The following UFSP1 variants were observed in gnomAD, a reference collection of about 807,000 sequenced individuals.
UFSP1 encodes ufm1-specific protease 1.
For missense variants in UFSP1, 261 were observed against 182.7 expected, an observed-to-expected ratio of 1.43 and a Z score of -2.47; for synonymous variants, 119 against 77.6, an observed-to-expected ratio of 1.53 and a Z score of -2.81.
chr7:100,889,373 A>C lies in UFSP1; in HGVS notation c.-102T>G, dbSNP rs1790489963. 1.9e-6 allele frequency: 2 copies of C among 1,072,784 alleles called. No homozygotes were observed. The highest frequency in any genetic ancestry group is 5.6e-5 in the East Asian group (2 of 35,972). The allele number at this position is 1,072,784 out of a possible 1,614,324, so 66.5% of individuals were successfully genotyped here. ...TGCAGAGTGCGGTAGCCGCAGCCCC[A>C]GCCGCGGTCGTCCAGGCCGTCGCAG... On this transcript the variant is annotated 5_prime_UTR_variant, in exon 1 of 1. Transcript: ENST00000388761.
In UFSP1 at chr7:100,889,296, G is replaced by A. The variant is rs2115943058; in HGVS notation, c.-25C>T. 5 of 1,485,990 alleles carry A rather than the reference G, an allele frequency of 3.4e-6. No individual in the cohort carries two copies. The highest frequency in any genetic ancestry group is 2.8e-5 in the South Asian group (2 of 72,500). 92.1% of individuals were successfully genotyped at this position (1,485,990 alleles called of 1,614,324 possible). On this transcript the variant is annotated 5_prime_UTR_variant, in exon 1 of 1. Transcript: ENST00000388761. ...TGTCCTCCAGGGCCGCCTGTACGGCGGCCAGTCCAGGTACGCCCGCGGGCT... is the reference window on the plus strand; with the variant it reads ...TGTCCTCCAGGGCCGCCTGTACGGCAGCCAGTCCAGGTACGCCCGCGGGCT...
In UFSP1 at chr7:100,889,263, G is replaced by C. The variant is rs1427517631; in HGVS notation, c.9C>G (p.Asp3Glu). 2.6e-6 allele frequency: 4 copies of C among 1,532,476 alleles called. No homozygotes were observed. Among genetic ancestry groups the C allele is most frequent in the Non-Finnish European group, 3.5e-6 (4 of 1,145,478 alleles). 94.9% of individuals were successfully genotyped at this position (1,532,476 alleles called of 1,614,324 possible). Residue 3 changes from aspartate to glutamate, a missense_variant, in exon 1 of 1, where the codon GAC becomes GAG. Asp to Glu is a conservative substitution (Grantham distance 45). Transcript: ENST00000388761. ...GGGAGCCCCGGAAGCCGGGGGGCTTGTCGCCCATGTCCTCCAGGGCCGCCT... is the reference window on the plus strand; with the variant it reads ...GGGAGCCCCGGAAGCCGGGGGGCTTCTCGCCCATGTCCTCCAGGGCCGCCT...
chr7:100,889,411 T>A lies in UFSP1; in HGVS notation c.-140A>T. ...CAGGCCGTCGCAGCCGTAGTGGTAG[T>A]AGAGGTAGTGGCCCGAGAGCAGCGC... On this transcript the variant is annotated 5_prime_UTR_variant, in exon 1 of 1. Coordinates refer to ENST00000388761, the MANE Select transcript of UFSP1 (RefSeq NM_001015072.4). The A allele has an allele frequency of 1.4e-6, 1 of 714,840 alleles. No homozygotes were observed. Among genetic ancestry groups the A allele is most frequent in the Non-Finnish European group, 2.2e-6 (1 of 454,684 alleles). 44.3% of individuals were successfully genotyped at this position (714,840 alleles called of 1,614,324 possible).
Position 100,889,245 on chromosome 7 carries a change from C to G in UFSP1, c.27G>C (p.Arg9=). The G allele has an allele frequency of 6.5e-7, 1 of 1,550,106 alleles. No homozygotes were observed. Among genetic ancestry groups the G allele is most frequent in the South Asian group, 1.2e-5 (1 of 82,896 alleles). ...CGCAGCCGATCCAGTCCCGGGAGCC[C>G]CGGAAGCCGGGGGGCTTGTCGCCCA... The change falls in exon 1 of 1, where the codon CGG becomes CGC. Residue 9 remains arginine, a synonymous_variant. Coordinates refer to ENST00000388761, the MANE Select transcript of UFSP1 (RefSeq NM_001015072.4).
chr7:100,888,851 A>G lies in UFSP1; in HGVS notation c.421T>C (p.Leu141=), dbSNP rs745310637. 5.0e-6 allele frequency: 8 copies of G among 1,607,392 alleles called. No homozygotes were observed. In the South Asian group the frequency reaches 8.8e-5, roughly 18 times the overall value. Residue 141 remains leucine (L), a synonymous_variant, in exon 1 of 1, where the codon TTG becomes CTG. Coordinates refer to ENST00000388761, the MANE Select transcript of UFSP1 (RefSeq NM_001015072.4). ...GTTCTGTAACTTCGTCCTCAGTCCAAGGTGCGCTGCTGCTGTTGGGAGCTA... is the reference window on the plus strand; with the variant it reads ...GTTCTGTAACTTCGTCCTCAGTCCAGGGTGCGCTGCTGCTGTTGGGAGCTA...
chr7:100,888,764 C>G lies in UFSP1; in HGVS notation c.*79G>C, dbSNP rs1790445645. 2 of 1,547,492 alleles carry G rather than the reference C, an allele frequency of 1.3e-6. No homozygotes were observed. The highest frequency in any genetic ancestry group is 2.7e-5 in the African/African-American group (2 of 73,076). ...CTTTTATTATTGATGTCAAAAGCGC[C>G]AGGCTTTGCAGGGACACCAGTGGGA... On this transcript the variant is annotated 3_prime_UTR_variant, in exon 1 of 1. Coordinates refer to ENST00000388761, the MANE Select transcript of UFSP1 (RefSeq NM_001015072.4).
Position 100,889,377 on chromosome 7 carries a change from G to T in UFSP1, c.-106C>A. 1 of 1,036,200 alleles carries T rather than the reference G, an allele frequency of 9.7e-7. No homozygotes were observed. Among genetic ancestry groups the T allele is most frequent in the Non-Finnish European group, 1.3e-6 (1 of 742,970 alleles). 64.2% of individuals were successfully genotyped at this position (1,036,200 alleles called of 1,614,324 possible). A position where few individuals can be genotyped will look rare whatever the true frequency, so the allele number is the denominator to read the frequency against. Reference sequence around the variant, plus strand: ...GAGTGCGGTAGCCGCAGCCCCAGCCGCGGTCGTCCAGGCCGTCGCAGCCGT... The same window carrying T: ...GAGTGCGGTAGCCGCAGCCCCAGCCTCGGTCGTCCAGGCCGTCGCAGCCGT... On this transcript the variant is annotated 5_prime_UTR_variant, in exon 1 of 1. Coordinates refer to ENST00000388761, the MANE Select transcript of UFSP1 (RefSeq NM_001015072.4).
In UFSP1 at chr7:100,889,382, C is replaced by A; in HGVS notation, c.-111G>T. 3 of 927,070 alleles carry A rather than the reference C, an allele frequency of 3.2e-6. No homozygotes were observed. The highest frequency in any genetic ancestry group is 4.1e-5 in the South Asian group (2 of 48,984). The allele number at this position is 927,070 out of a possible 1,614,324, so 57.4% of individuals were successfully genotyped here. A position where few individuals can be genotyped will look rare whatever the true frequency, so the allele number is the denominator to read the frequency against. On this transcript the variant is annotated 5_prime_UTR_variant, in exon 1 of 1. Transcript: ENST00000388761. ...CGGTAGCCGCAGCCCCAGCCGCGGTCGTCCAGGCCGTCGCAGCCGTAGTGG... is the reference window on the plus strand; with the variant it reads ...CGGTAGCCGCAGCCCCAGCCGCGGTAGTCCAGGCCGTCGCAGCCGTAGTGG...
chr7:100,888,858 C>T lies in UFSP1; in HGVS notation c.414G>A (p.Gln138=), dbSNP rs771628060. 1.4e-5 allele frequency: 23 copies of T among 1,609,892 alleles called. No individual in the cohort carries two copies. Among genetic ancestry groups the T allele is most frequent in the Non-Finnish European group, 2.0e-5 (23 of 1,177,146 alleles). Residue 138 remains glutamine, a synonymous_variant, in exon 1 of 1, where the codon CAG becomes CAA. Coordinates refer to ENST00000388761, the MANE Select transcript of UFSP1 (RefSeq NM_001015072.4). Reference sequence around the variant, plus strand: ...AACTTCGTCCTCAGTCCAAGGTGCGCTGCTGCTGTTGGGAGCTAAGGCTGG... The same window carrying T: ...AACTTCGTCCTCAGTCCAAGGTGCGTTGCTGCTGTTGGGAGCTAAGGCTGG...
In UFSP1 at chr7:100,888,829, C is replaced by T; in HGVS notation, c.*14G>A. ...TGTCTGGGACCCGAGAATCTCAGTT[C>T]TGTAACTTCGTCCTCAGTCCAAGGT... On this transcript the variant is annotated 3_prime_UTR_variant, in exon 1 of 1. Transcript: ENST00000388761. 3.1e-6 allele frequency: 5 copies of T among 1,592,784 alleles called. No individual in the cohort carries two copies. Among genetic ancestry groups the T allele is most frequent in the African/African-American group, 2.7e-5 (2 of 74,564 alleles).
In UFSP1 at chr7:100,889,001, C is replaced by A; in HGVS notation, c.271G>T (p.Asp91Tyr). The A allele has an allele frequency of 6.2e-7, 1 of 1,614,190 alleles. No individual in the cohort carries two copies. The highest frequency in any genetic ancestry group is 8.5e-7 in the Non-Finnish European group (1 of 1,180,022). ...TTTGGAGTGCCCCAGTAGTGAGGGT[C>A]CAATACCAGGACATAGGCTTCCGTG... Residue 91 changes from aspartate (D) to tyrosine (Y), a missense_variant, in exon 1 of 1, where the codon GAC becomes TAC. Coordinates refer to ENST00000388761, the MANE Select transcript of UFSP1 (RefSeq NM_001015072.4).
At position 100,888,964 on chromosome 7, in the gene UFSP1, T is replaced by C; in HGVS notation, c.308A>G (p.Glu103Gly). ...GCCCACCCACCCAGCAGCCTGTAGT[T>C]CACTGGGGCTTTTTGGAGTGCCCCA... Residue 103 changes from glutamate (E) to glycine (G), a missense_variant, in exon 1 of 1, where the codon GAA becomes GGA. Transcript: ENST00000388761. 5 of 1,614,172 alleles carry C rather than the reference T, an allele frequency of 3.1e-6. No individual in the cohort carries two copies. Among genetic ancestry groups the C allele is most frequent in the Non-Finnish European group, 4.2e-6 (5 of 1,180,018 alleles).
At position 100,889,080 on chromosome 7, in the gene UFSP1, C is replaced by G. The variant is rs781300032; in HGVS notation, c.192G>C (p.Gly64=). 5.6e-5 allele frequency: 91 copies of G among 1,613,766 alleles called. No homozygotes were observed. Among genetic ancestry groups the G allele is most frequent in the Admixed American group, 1.3e-4 (8 of 59,970 alleles). Residue 64 remains glycine (G), a synonymous_variant, in exon 1 of 1, where the codon GGG becomes GGC. Transcript: ENST00000388761. ...CCTTGGACCTGGCATCTGCGTCCCC[C>G]CCAACCATGACTGGGCCCCCACCCC...
Position 100,889,694 on chromosome 7 carries a change from C to T in UFSP1, c.-423G>A, listed in dbSNP as rs1790505430. Reference sequence around the variant, plus strand: ...CGCAATAGGCAGCCACCGACCGGCACCGACCGAGGAGCTCCCACAATGCTC... The same window carrying T: ...CGCAATAGGCAGCCACCGACCGGCATCGACCGAGGAGCTCCCACAATGCTC... On this transcript the variant is annotated 5_prime_UTR_variant, in exon 1 of 1. It adds an upstream start codon to the 5' untranslated region. Coordinates refer to ENST00000388761, the MANE Select transcript of UFSP1 (RefSeq NM_001015072.4). 5.0e-6 allele frequency: 1 copy of T among 198,936 alleles called. No homozygotes were observed. Among genetic ancestry groups the T allele is most frequent in the African/African-American group, 2.3e-5 (1 of 43,048 alleles). The allele number at this position is 198,936 out of a possible 1,614,324, so 12.3% of individuals were successfully genotyped here. A position where few individuals can be genotyped will look rare whatever the true frequency, so the allele number is the denominator to read the frequency against.
chr7:100,889,539 G>A lies in UFSP1; in HGVS notation c.-268C>T, dbSNP rs943341978. Reference sequence around the variant, plus strand: ...GCGGAGGTCCCAGGCCAGGCACAGCGTCCTCCTAGCGGCGCGGAGCGACCT... The same window carrying A: ...GCGGAGGTCCCAGGCCAGGCACAGCATCCTCCTAGCGGCGCGGAGCGACCT... On this transcript the variant is annotated 5_prime_UTR_variant, in exon 1 of 1. It adds an upstream start codon to the 5' untranslated region. Transcript: ENST00000388761. 6.7e-6 allele frequency: 3 copies of A among 445,942 alleles called. No homozygotes were observed. Among genetic ancestry groups the A allele is most frequent in the Non-Finnish European group, 1.2e-5 (3 of 249,674 alleles). 27.6% of individuals were successfully genotyped at this position (445,942 alleles called of 1,614,324 possible). A position where few individuals can be genotyped will look rare whatever the true frequency, so the allele number is the denominator to read the frequency against.
In UFSP1 at chr7:100,888,744, A is replaced by T. The variant is rs559996179; in HGVS notation, c.*99T>A. ...GGTGTTGCTCAGCCCTGCCACTTTT[A>T]TTATTGATGTCAAAAGCGCCAGGCT... On this transcript the variant is annotated 3_prime_UTR_variant, in exon 1 of 1. Transcript: ENST00000388761. 9.6e-5 allele frequency: 145 copies of T among 1,507,432 alleles called. No homozygotes were observed. In the East Asian group the frequency reaches 2.7e-3, roughly 28 times the overall value. The allele number at this position is 1,507,432 out of a possible 1,614,324, so 93.4% of individuals were successfully genotyped here. A position where few individuals can be genotyped will look rare whatever the true frequency, so the allele number is the denominator to read the frequency against.
In UFSP1 at chr7:100,889,305, A is replaced by C. The variant is rs1790486770; in HGVS notation, c.-34T>G. On this transcript the variant is annotated 5_prime_UTR_variant, in exon 1 of 1. Coordinates refer to ENST00000388761, the MANE Select transcript of UFSP1 (RefSeq NM_001015072.4). ...GGGCCGCCTGTACGGCGGCCAGTCC[A>C]GGTACGCCCGCGGGCTGGCCCTCTG... The C allele has an allele frequency of 6.8e-7, 1 of 1,471,028 alleles. No homozygotes were observed. The highest frequency in any genetic ancestry group is 1.4e-5 in the South Asian group (1 of 70,862). 91.1% of individuals were successfully genotyped at this position (1,471,028 alleles called of 1,614,324 possible). A position where few individuals can be genotyped will look rare whatever the true frequency, so the allele number is the denominator to read the frequency against.
At position 100,889,322 on chromosome 7, in the gene UFSP1, G is replaced by GTC; in HGVS notation, c.-52_-51insGA. The GTC allele has an allele frequency of 7.0e-7, 1 of 1,426,452 alleles. No individual in the cohort carries two copies. The highest frequency in any genetic ancestry group is 9.2e-7 in the Non-Finnish European group (1 of 1,082,942). 88.4% of individuals were successfully genotyped at this position (1,426,452 alleles called of 1,614,324 possible). A position where few individuals can be genotyped will look rare whatever the true frequency, so the allele number is the denominator to read the frequency against. On this transcript the variant is annotated 5_prime_UTR_variant, in exon 1 of 1. Coordinates refer to ENST00000388761, the MANE Select transcript of UFSP1 (RefSeq NM_001015072.4). Reference sequence around the variant, plus strand: ...GCCAGTCCAGGTACGCCCGCGGGCTGGCCCTCTGGCCACGAGCACAGCGTC... The same window carrying GTC: ...GCCAGTCCAGGTACGCCCGCGGGCTGTCGCCCTCTGGCCACGAGCACAGCGTC...
Position 100,889,257 on chromosome 7 carries a change from G to C in UFSP1, c.15C>G (p.Pro5=). 3 of 1,538,390 alleles carry C rather than the reference G, an allele frequency of 2.0e-6. No individual in the cohort carries two copies. The highest frequency in any genetic ancestry group is 2.6e-6 in the Non-Finnish European group (3 of 1,147,604). Residue 5 remains proline (P), a synonymous_variant, in exon 1 of 1, where the codon CCC becomes CCG. Coordinates refer to ENST00000388761, the MANE Select transcript of UFSP1 (RefSeq NM_001015072.4). Reference sequence around the variant, plus strand: ...AGTCCCGGGAGCCCCGGAAGCCGGGGGGCTTGTCGCCCATGTCCTCCAGGG... The same window carrying C: ...AGTCCCGGGAGCCCCGGAAGCCGGGCGGCTTGTCGCCCATGTCCTCCAGGG...
Sources: allele counts gnomAD v4.1 joint callset, GRCh38; gene constraint gnomAD v4.1.1; transcripts MANE v1.5; gene names NCBI Gene and HGNC (gene_info 2026-07-23, HGNC 2026-07-21).